SCNN1G: variants seen among roughly 807,000 people sequenced by gnomAD.
SCNN1G encodes the protein sodium channel epithelial 1 subunit gamma, also known as epithelial sodium channel subunit gamma.
Under a neutral mutation model 64.6 loss-of-function variants are expected in SCNN1G, and 27 were observed. The observed-to-expected ratio is 0.42, with a 90% CI of 0.31 to 0.58. SCNN1G has a LOEUF of 0.58. Ranked by LOEUF, SCNN1G falls within the 20% of genes least tolerant of loss-of-function variation. SCNN1G has a pLI of 0.18. For missense variants in SCNN1G, 743 were observed against 823.4 expected (o/e 0.90, Z 1.19); for synonymous variants, 330 against 314.2 (o/e 1.05, Z -0.53).
intron 3 of SCNN1G, 106 bp from the exon 4 acceptor site, chr16:23,192,246 T>C: frequency 1.1e-6 from 1 of 924,274 alleles, no homozygotes. Context: ...TCCAACCTGT[T>C]CCCCTGAGTA....
chr16:23,214,243 G>A (rs1274435891), intron 11 of SCNN1G, among the ~76,000 whole-genome samples: 1 of 152,194 alleles, frequency 6.6e-6, no homozygotes, highest in Non-Finnish European at 1.5e-5. Flanking sequence ...CTGCCTCATA[G>A]GGCTGTTGGT....
At chr16:23,197,197 G>A in intron 5 of SCNN1G, 67 bp from the exon 6 acceptor site, 1 of 1,335,598 alleles carries the variant, frequency 7.5e-7, no homozygotes, top group East Asian at 2.3e-5. Context: ...AGCAGTGGGA[G>A]AGGTGGTTTA....
chr16:23,193,455 G>A (rs1422657777), intron 4 of SCNN1G, among the ~76,000 whole-genome samples: 2 of 152,084 alleles, frequency 1.3e-5, no homozygotes, highest in Non-Finnish European at 2.9e-5. Context: ...AGACCAGCCT[G>A]GGCAATGTGG....
At chr16:23,190,803 A>G (rs1364961950) in intron 3 of SCNN1G, among the ~76,000 whole-genome samples, 1 of 87,862 alleles carries the variant, frequency 1.1e-5, no homozygotes, top group Admixed American at 1.2e-4. Flanking sequence ...GCTTGACTTC[A>G]TTTTCCCTTT....
chr16:23,194,504 C>A (rs761832842), intron 5 of SCNN1G, among the ~76,000 whole-genome samples: 1 of 152,152 alleles, frequency 6.6e-6, no homozygotes, highest in Non-Finnish European at 1.5e-5. Flanking sequence ...TTTGAGAGAG[C>A]GACAGGGACA....
chr16:23,201,855 G>T (rs908012956), intron 6 of SCNN1G, among the ~76,000 whole-genome samples: 3 of 152,204 alleles, frequency 2.0e-5, no homozygotes, highest in Admixed American at 6.5e-5. Context: ...CTGTCATCCA[G>T]CTGGAGTGCA....
At chr16:23,213,253 T>A in intron 11 of SCNN1G, 90 bp downstream of exon 11, 4 of 337,072 alleles carry the variant, frequency 1.2e-5, no homozygotes, top group Non-Finnish European at 2.2e-5. Context: ...CCAAATCCTC[T>A]TTTTTTTTTT....
At chr16:23,185,419 C>T (rs770150745) in intron 1 of SCNN1G, among the ~76,000 whole-genome samples, 5 of 152,178 alleles carry the variant, frequency 3.3e-5, no homozygotes, top group Non-Finnish European at 5.9e-5. Context: ...GCATCGTGCA[C>T]ATTGATGAAT....
chr16:23,212,645 A>C (rs762896700), intron 8 of SCNN1G, 33 bp from the exon 9 acceptor site: 2 of 1,579,536 alleles, frequency 1.3e-6, no homozygotes, highest in African/African-American at 2.7e-5. Context: ...CTGTGGCTCC[A>C]AAGCTCATGC....
At chr16:23,183,735 G>A (rs1743749240) in intron 1 of SCNN1G, among the ~76,000 whole-genome samples, 1 of 152,224 alleles carries the variant, frequency 6.6e-6, no homozygotes, top group South Asian at 2.1e-4. Context: ...GTGTGAAAAG[G>A]ACTGAGTGGG....
rs759795434 is a variant in SCNN1G at position 23,197,370 on chromosome 16, C to T, written c.1020C>T (p.Val340=). ...ATCGGCAGGATGAGTATCCCTTCGT[C>T]GAAGATGTGGGAACAGAGATTGAGA... ...IIHRQDEYPF[V]EDVGTEIETA... The change falls in exon 6 of 13, where the codon GTC becomes GTT. Residue 340 remains valine (V), a synonymous_variant. Transcript: ENST00000300061. 4.3e-6 allele frequency: 7 copies of T among 1,613,838 alleles called. No individual in the cohort carries two copies. The highest frequency in any genetic ancestry group is 2.2e-5 in the South Asian group (2 of 91,074).
intron 2 of SCNN1G, among the ~76,000 whole-genome samples, 187 bp from the exon 3 acceptor site, chr16:23,189,184 C>T (rs760538714): frequency 8.5e-5 from 13 of 152,276 alleles, no homozygotes; most frequent in African/African-American, 2.9e-4. Flanking sequence ...TGAGCCTTTC[C>T]CCATTTGCCA....
chr16:23,185,558 A>G (rs957968972), intron 1 of SCNN1G, among the ~76,000 whole-genome samples: 1 of 152,260 alleles, frequency 6.6e-6, no homozygotes, highest in Admixed American at 6.5e-5. Flanking sequence ...CTAAGTGGCC[A>G]ATAGTTGCAG....
At position 23,215,863 on chromosome 16, in the gene SCNN1G, G is replaced by A. The variant is rs1282422958; in HGVS notation, c.*394G>A. 3 of 293,086 alleles carry A rather than the reference G, an allele frequency of 1.0e-5. No homozygotes were observed. The highest frequency in any genetic ancestry group is 2.0e-5 in the Non-Finnish European group (3 of 153,198). The allele number at this position is 293,086 out of a possible 1,614,324, so 18.2% of individuals were successfully genotyped here. On this transcript the variant is annotated 3_prime_UTR_variant, in exon 13 of 13. Transcript: ENST00000300061. ...AGGGTTTCACCCACACTGCCAGCCTGGGTTGGGGCCCAAGGATGTGACCTT... is the reference window on the plus strand; with the variant it reads ...AGGGTTTCACCCACACTGCCAGCCTAGGTTGGGGCCCAAGGATGTGACCTT...
intron 5 of SCNN1G, among the ~76,000 whole-genome samples, 160 bp downstream of exon 5, chr16:23,194,434 T>C (rs1011313501): frequency 1.3e-5 from 2 of 152,218 alleles, no homozygotes; most frequent in Non-Finnish European, 2.9e-5. Context: ...CCATCAGTGT[T>C]CATGCTGGTT....
intron 7 of SCNN1G, among the ~76,000 whole-genome samples, chr16:23,210,472 C>T (rs780408922): frequency 6.6e-6 from 1 of 152,216 alleles, no homozygotes; most frequent in Non-Finnish European, 1.5e-5. Flanking sequence ...AGCAGGTGTT[C>T]TCTGGCTCCC....
chr16:23,211,909 G>A (rs1960085161), intron 7 of SCNN1G, 125 bp from the exon 8 acceptor site: 1 of 772,464 alleles, frequency 1.3e-6, no homozygotes, highest in African/African-American at 1.7e-5. Flanking sequence ...GTTGGCATAA[G>A]GGGCAGGTTC....
chr16:23,209,484 T>G (rs1395686613), intron 6 of SCNN1G, among the ~76,000 whole-genome samples: 3 of 152,356 alleles, frequency 2.0e-5, no homozygotes, highest in African/African-American at 7.2e-5. Flanking sequence ...GTTTATTTAT[T>G]TGCTTGCTGA....
chr16:23,204,350 G>GAA (rs1959956005), intron 6 of SCNN1G, among the ~76,000 whole-genome samples: 1 of 122,432 alleles, frequency 8.2e-6, no homozygotes, highest in African/African-American at 3.0e-5. Context: ...GAGAGAGAGA[G>GAA]AGAGAGAGAG....
Sources: gnomAD v4.1 joint callset for allele counts (sites outside exome capture counted in the v4.1 genomes callset) on GRCh38, gnomAD v4.1.1 for gene constraint, MANE v1.5 for transcripts, NCBI Gene and HGNC (gene_info 2026-07-23, HGNC 2026-07-21) for gene names.